The following HOXC6 variants were observed in gnomAD, a reference collection of about 807,000 sequenced individuals.
HOXC6 encodes homeobox C6.
HOXC6 carries 10 observed loss-of-function variants against 24.0 expected under a neutral mutation model. The ratio of observed to expected loss-of-function variants is 0.42; its 90% CI spans 0.26 to 0.71. The LOEUF is 0.71. HOXC6 is among the 30% of genes least tolerant of loss of function. The pLI, the probability that HOXC6 is intolerant of heterozygous loss-of-function variation, is 0.28. For missense variants in HOXC6, 258 were observed against 303.4 expected (o/e 0.85, Z 1.11); for synonymous variants, 123 against 128.1 (o/e 0.96, Z 0.27).
chr12:54,017,607 G>C (rs766690873), intron 1 of HOXC6, among the ~76,000 whole-genome samples: 10 of 152,064 alleles, frequency 6.6e-5, no homozygotes, highest in Non-Finnish European at 1.5e-4. Flanking sequence ...AACTGGTAGT[G>C]GGGCGATTGT....
At chr12:54,029,424 C>CCCCCCCCCCCCCCCCCCCT (rs1940893460) in intron 1 of HOXC6, among the ~76,000 whole-genome samples, 1 of 142,804 alleles carries the variant, frequency 7.0e-6, no homozygotes, top group African/African-American at 2.6e-5. Context: ...CCCCCCCCCA[C>CCCCCCCCCCCCCCCCCCCT]CACACACCTT....
chr12:54,019,673 C>T (rs2136417090), intron 1 of HOXC6, among the ~76,000 whole-genome samples: 1 of 152,206 alleles, frequency 6.6e-6, no homozygotes, highest in Non-Finnish European at 1.5e-5. Flanking sequence ...AGGGCCCCCT[C>T]CCACCCGAGG....
chr12:54,022,982 G>A (rs1206019230), intron 1 of HOXC6, among the ~76,000 whole-genome samples: 1 of 152,160 alleles, frequency 6.6e-6, no homozygotes. Context: ...TATTCTGGGG[G>A]CTGAAAATAT....
upstream of HOXC6, among the ~76,000 whole-genome samples, chr12:54,026,242 C>T (rs889032051): frequency 6.6e-6 from 1 of 152,156 alleles, no homozygotes; most frequent in Admixed American, 6.5e-5. Flanking sequence ...GGTGCACTGA[C>T]TTGTTCCCTA....
intron 1 of HOXC6, chr12:54,021,184 C>G (rs1388296732): frequency 6.6e-6 from 1 of 152,270 alleles, no homozygotes; most frequent in Admixed American, 6.5e-5. Flanking sequence ...TGTTTCTCCC[C>G]CTGCTTGCCC....
At chr12:54,018,095 C>T (rs1033993357) in intron 1 of HOXC6, among the ~76,000 whole-genome samples, 6 of 152,014 alleles carry the variant, frequency 3.9e-5, no homozygotes, top group Admixed American at 3.3e-4. Context: ...CCCCTGCTCC[C>T]GCCCCCACTC....
At chr12:54,029,572 G>A in intron 1 of HOXC6, 83 bp from the exon 2 acceptor site, 2 of 1,431,098 alleles carry the variant, frequency 1.4e-6, no homozygotes, top group Non-Finnish European at 1.9e-6. Context: ...CAGGTTGGGA[G>A]GGTCAGGACT....
intron 1 of HOXC6, among the ~76,000 whole-genome samples, chr12:54,017,859 C>A (rs1374336441): frequency 6.6e-6 from 1 of 152,076 alleles, no homozygotes; most frequent in Admixed American, 6.5e-5. Flanking sequence ...CAAAGTTAGC[C>A]CCCCAACCCC....
At chr12:54,018,101 C>A (rs959318746) in intron 1 of HOXC6, among the ~76,000 whole-genome samples, 4 of 152,064 alleles carry the variant, frequency 2.6e-5, no homozygotes, top group Non-Finnish European at 4.4e-5. Context: ...CTCCCGCCCC[C>A]ACTCGGGCGG....
intron 1 of HOXC6, among the ~76,000 whole-genome samples, chr12:54,017,842 C>A (rs1008156725): frequency 1.3e-5 from 2 of 152,132 alleles, no homozygotes; most frequent in African/African-American, 4.8e-5. Context: ...GCCCATTGCC[C>A]CCTAAGCAAA....
At chr12:54,028,271 T>A (rs1011423186), upstream of HOXC6, 462 of 227,074 alleles carry the variant, frequency 2.0e-3, 2 homozygotes, top group Non-Finnish European at 3.3e-3. Flanking sequence ...ATATATATTT[T>A]TTAAAAGAAA....
At chr12:54,029,542 G>T (rs1232623126) in intron 1 of HOXC6, 113 bp from the exon 2 acceptor site, 16 of 1,117,802 alleles carry the variant, frequency 1.4e-5, no homozygotes, top group Non-Finnish European at 2.1e-5. Context: ...AGAGCCCTAA[G>T]GAGGCTGTGA....
At chr12:54,028,263 A>T (rs1455517402), upstream of HOXC6, 188 of 73,374 alleles carry the variant, frequency 2.6e-3, 2 homozygotes, top group African/African-American at 8.3e-3. Flanking sequence ...ATATATATAT[A>T]TATATTTTTT....
At chr12:54,027,399 C>T (rs1391581154), upstream of HOXC6, among the ~76,000 whole-genome samples, 1 of 152,204 alleles carries the variant, frequency 6.6e-6, no homozygotes, top group Admixed American at 6.5e-5. Context: ...CTTGAGCCTG[C>T]AGGAAGCTAA....
chr12:54,024,368 C>T (rs1053971060), upstream of HOXC6, among the ~76,000 whole-genome samples: 2 of 152,112 alleles, frequency 1.3e-5, no homozygotes, highest in Non-Finnish European at 2.9e-5. Flanking sequence ...CAGGAGGCAC[C>T]GAGCTGTAGT....
intron 1 of HOXC6, among the ~76,000 whole-genome samples, chr12:54,029,158 C>T (rs1006428728): frequency 6.6e-6 from 1 of 151,662 alleles, no homozygotes; most frequent in Non-Finnish European, 1.5e-5. Context: ...GCTGAGGGGG[C>T]AGGAACAGGG....
intron 1 of HOXC6, among the ~76,000 whole-genome samples, chr12:54,018,456 G>C (rs1378354516): frequency 6.6e-6 from 1 of 152,246 alleles, no homozygotes; most frequent in South Asian, 2.1e-4. Flanking sequence ...GGGGCTGCTG[G>C]CTTATGGGGT....
chr12:54,016,898 C>A (rs1940179032), exon 1 of HOXC6: 1 of 152,232 alleles, frequency 6.6e-6, no homozygotes, highest in South Asian at 2.1e-4. Flanking sequence ...GCAGAACAGT[C>A]CTCCCTGTAA....
upstream of HOXC6, among the ~76,000 whole-genome samples, chr12:54,023,977 T>C (rs759410685): frequency 6.6e-6 from 1 of 152,220 alleles, no homozygotes; most frequent in Non-Finnish European, 1.5e-5. Context: ...AAGGAGCTTA[T>C]TTATACACAA....
Sources: gnomAD v4.1 joint callset for allele counts (sites outside exome capture counted in the v4.1 genomes callset) on GRCh38, gnomAD v4.1.1 for gene constraint, MANE v1.5 for transcripts, NCBI Gene and HGNC (gene_info 2026-07-23, HGNC 2026-07-21) for gene names.